Variants in NETO1 observed in about 807,000 individuals in gnomAD.
The protein encoded by NETO1 is neuropilin and tolloid like 1, also known as neuropilin and tolloid-like protein 1.
In NETO1, 26 loss-of-function variants were observed where a neutral mutation model predicts 61.3. The observed-to-expected ratio is 0.42, with a 90% confidence interval of 0.31 to 0.59. The LOEUF is 0.59. NETO1 is among the 20% of genes least tolerant of loss of function. The pLI, the probability that NETO1 is intolerant of heterozygous loss-of-function variation, is 0.12. For synonymous variants in NETO1, 225 were observed against 225.8 expected, an observed-to-expected ratio of 1.00 and a Z score of 0.03; for missense variants, 531 against 662.8, an observed-to-expected ratio of 0.80 and a Z score of 2.18.
downstream of NETO1, chr18:72,742,872 T>C (rs1462945580): frequency 1.3e-5 from 2 of 152,234 alleles, no homozygotes; most frequent in African/African-American, 2.4e-5. Context: ...GTGTTTGGCA[T>C]GTGACCCTCA....
At chr18:72,787,276 G>A (rs980064759) in intron 6 of NETO1, among the ~76,000 whole-genome samples, 5 of 151,462 alleles carry the variant, frequency 3.3e-5, no homozygotes, top group African/African-American at 1.2e-4. Flanking sequence ...AGTAAACATT[G>A]TCACAAGCAG....
At position 72,794,243 on chromosome 18, in the gene NETO1, C is replaced by G; in HGVS notation, c.513G>C (p.Ala171=). Residue 171 remains alanine (A), a splice_region_variant and synonymous_variant, in exon 6 of 11, where the codon GCG becomes GCC. Transcript: ENST00000327305. ...KDLGALKPLP[A]CEFEMGGSEG... Reference sequence around the variant, plus strand: ...CGGAACCGCCCATCTCAAACTCACACGCTAAATAACAAAATGCCAAACAAA... The same window carrying G: ...CGGAACCGCCCATCTCAAACTCACAGGCTAAATAACAAAATGCCAAACAAA... 1 of 1,614,096 alleles carries G rather than the reference C, an allele frequency of 6.2e-7. No individual in the cohort carries two copies. Among genetic ancestry groups the G allele is most frequent in the Non-Finnish European group, 8.5e-7 (1 of 1,180,004 alleles).
intron 7 of NETO1, among the ~76,000 whole-genome samples, chr18:72,764,785 C>T (rs1230380886): frequency 6.6e-6 from 1 of 152,306 alleles, no homozygotes; most frequent in Non-Finnish European, 1.5e-5. Flanking sequence ...ACCTCCCACA[C>T]CTTCCTGGCA....
intron 3 of NETO1, among the ~76,000 whole-genome samples, chr18:72,859,305 C>G (rs2074498998): frequency 6.6e-6 from 1 of 152,106 alleles, no homozygotes; most frequent in African/African-American, 2.4e-5. Context: ...TATTCTGATA[C>G]AAGATGACCA....
chr18:72,793,631 T>C (rs925574124), intron 6 of NETO1, among the ~76,000 whole-genome samples: 3 of 152,174 alleles, frequency 2.0e-5, no homozygotes, highest in African/African-American at 7.2e-5. Flanking sequence ...GCCTGTCTCC[T>C]TCAAATGGGC....
intron 6 of NETO1, among the ~76,000 whole-genome samples, chr18:72,793,794 A>G (rs1232838884): frequency 6.6e-6 from 1 of 152,232 alleles, no homozygotes; most frequent in Admixed American, 6.5e-5. Context: ...ATTGACAATA[A>G]GAGCGTAAGT....
chr18:72,835,877 G>A (rs936871269), intron 4 of NETO1, among the ~76,000 whole-genome samples: 3 of 152,092 alleles, frequency 2.0e-5, no homozygotes, highest in African/African-American at 4.8e-5. Context: ...ATCCCACAGG[G>A]TCGTGAGAGG....
intron 6 of NETO1, among the ~76,000 whole-genome samples, chr18:72,790,879 T>A (rs928648886): frequency 1.3e-5 from 2 of 152,148 alleles, no homozygotes; most frequent in Non-Finnish European, 2.9e-5. Context: ...TATCTGGAGA[T>A]AAATATGGTC....
Position 72,756,161 on chromosome 18 carries a change from G to C in NETO1, c.869-14C>G, listed in dbSNP as rs756068506. 7 of 1,354,126 alleles carry C rather than the reference G, an allele frequency of 5.2e-6. No individual in the cohort carries two copies. The highest frequency in any genetic ancestry group is 5.1e-5 in the Admixed American group (3 of 58,718). 83.9% of individuals were successfully genotyped at this position (1,354,126 alleles called of 1,614,324 possible). On this transcript the variant is annotated splice_polypyrimidine_tract_variant and intron_variant, in intron 7 of 10. Transcript: ENST00000327305. ...CTTCACAAGGAGCTAAAAAGAAGAAGAACAAGACAAAGGAGGAAAGTTATA... is the reference window on the plus strand; with the variant it reads ...CTTCACAAGGAGCTAAAAAGAAGAACAACAAGACAAAGGAGGAAAGTTATA...
At chr18:72,835,408 G>T in intron 4 of NETO1, 7 of 1,072,806 alleles carry the variant, frequency 6.5e-6, no homozygotes, top group Non-Finnish European at 9.6e-6. Context: ...ACAGCTGTTT[G>T]GGTAATACAG....
At chr18:72,820,815 T>C (rs542972641) in intron 4 of NETO1, among the ~76,000 whole-genome samples, 3 of 152,274 alleles carry the variant, frequency 2.0e-5, no homozygotes, top group Non-Finnish European at 4.4e-5. Flanking sequence ...ACTGAAAAAC[T>C]GGCTCTTCTT....
intron 1 of NETO1, 129 bp downstream of exon 1, chr18:72,867,135 C>T (rs1195600954): frequency 1.7e-5 from 11 of 648,118 alleles, no homozygotes; most frequent in South Asian, 6.5e-5. Flanking sequence ...TTACGTCGGC[C>T]CCGACCCGCG....
At chr18:72,786,501 A>G (rs1252705892) in intron 6 of NETO1, among the ~76,000 whole-genome samples, 1 of 152,196 alleles carries the variant, frequency 6.6e-6, no homozygotes, top group Non-Finnish European at 1.5e-5. Flanking sequence ...TGAAGTTGGA[A>G]GTCATTCTAA....
chr18:72,834,020 A>G (rs1366560476), intron 4 of NETO1: 4 of 684,018 alleles, frequency 5.8e-6, no homozygotes, highest in African/African-American at 2.0e-5. Flanking sequence ...CCAACCTACA[A>G]GAGACAGATA....
chr18:72,821,036 C>A (rs970560958), intron 4 of NETO1, among the ~76,000 whole-genome samples: 2 of 151,962 alleles, frequency 1.3e-5, no homozygotes, highest in Admixed American at 6.6e-5. Flanking sequence ...CTTGAATACA[C>A]AAAAGGCACA....
intron 4 of NETO1, among the ~76,000 whole-genome samples, chr18:72,825,615 G>A (rs1179594268): frequency 6.6e-6 from 1 of 151,550 alleles, no homozygotes. Context: ...TCTCACTTTT[G>A]GAGATAATGC....
At chr18:72,794,044 G>A (rs2072228687) in intron 6 of NETO1, 73 bp downstream of exon 6, 2 of 1,582,586 alleles carry the variant, frequency 1.3e-6, no homozygotes, top group African/African-American at 1.3e-5. Context: ...ACGTCCAGTT[G>A]CTTCAAAGCA....
At position 72,777,978 on chromosome 18, in the gene NETO1, C is replaced by A. The variant is rs188981230; in HGVS notation, c.868+5700G>T. Among the ~76,000 whole-genome samples the A allele has an allele frequency of 1.2e-4, 19 of 152,206 alleles. No individual in the cohort carries two copies. In the East Asian group the frequency reaches 3.5e-3, roughly 28 times the overall value. ...CGCCCCCTTGCAAATACTCTCTGTC[C>A]GGGTTCCAAGCATCCTTTGAAACAT... On this transcript the variant is annotated intron_variant, in intron 7 of 10. Transcript: ENST00000327305.
intron 4 of NETO1, 89 bp downstream of exon 4, chr18:72,858,737 A>G: frequency 8.1e-7 from 1 of 1,241,178 alleles, no homozygotes; most frequent in Non-Finnish European, 1.1e-6. Flanking sequence ...TCTCTGAGAA[A>G]GTATAATGTT....
Sources: gnomAD v4.1 joint callset for allele counts (sites outside exome capture counted in the v4.1 genomes callset) on GRCh38, gnomAD v4.1.1 for gene constraint, MANE v1.5 for transcripts, NCBI Gene and HGNC (gene_info 2026-07-23, HGNC 2026-07-21) for gene names.